EIF3B: variants seen among roughly 807,000 people sequenced by gnomAD.
The protein encoded by EIF3B is eukaryotic translation initiation factor 3 subunit B.
A neutral mutation model predicts 104.6 loss-of-function variants in EIF3B; 10 were observed. The observed-to-expected ratio is 0.10, with a 90% CI of 0.06 to 0.16. EIF3B has a LOEUF of 0.16. Ranked by LOEUF, EIF3B falls within the 10% of genes least tolerant of loss-of-function variation. The probability of loss-of-function intolerance (pLI) is 1.00; values close to 1 mark genes in which losing one functional copy is unlikely to be tolerated. For missense variants in EIF3B, 1,014 were observed against 1,087.9 expected (o/e 0.93, Z 0.96); for synonymous variants, 542 against 417.2 (o/e 1.30, Z -3.65).
chr7:2,373,971 G>T (rs1780499892), intron 12 of EIF3B: 1 of 152,320 alleles, frequency 6.6e-6, no homozygotes, highest in African/African-American at 2.4e-5. Flanking sequence ...GGGGAGAGAG[G>T]CCACAGGTTG....
At chr7:2,368,533 G>A (rs148573215) in intron 9 of EIF3B, among the ~76,000 whole-genome samples, 1 of 152,324 alleles carries the variant, frequency 6.6e-6, no homozygotes, top group Non-Finnish European at 1.5e-5. Flanking sequence ...CGCCACCCTT[G>A]AGGCACCACT....
intron 1 of EIF3B, among the ~76,000 whole-genome samples, chr7:2,356,551 C>CG (rs1390077788): frequency 6.8e-6 from 1 of 147,530 alleles, no homozygotes; most frequent in Admixed American, 7.0e-5. Context: ...TGCAGTGAGC[C>CG]GAGATCCTGC....
chr7:2,360,736 C>T lies in EIF3B; in HGVS notation c.526C>T (p.Arg176Trp), dbSNP rs748047621. ...EELLGDVLKDRPQEADGIDSV... is the reference protein window; with the variant it reads ...EELLGDVLKDWPQEADGIDSV... ...ATTACTGGGAGATGTACTCAAAGAT[C>T]GGCCCCAGGAAGCAGATGGAATCGA... The change falls in exon 2 of 19, where the codon CGG becomes TGG. Residue 176 changes from arginine (R) to tryptophan (W), a missense_variant. Around this residue, in one of 4 missense-constraint regions of EIF3B, gnomAD observed 488 missense variants for 404.3 expected, o/e 1.21. Transcript: ENST00000360876. 20 of 1,591,056 alleles carry T rather than the reference C, an allele frequency of 1.3e-5. No homozygotes were observed. Among genetic ancestry groups the T allele is most frequent in the Middle Eastern group, 1.7e-4 (1 of 6,004 alleles).
intron 6 of EIF3B, 113 bp downstream of exon 6, chr7:2,364,642 T>C (rs1348561896): frequency 2.0e-6 from 2 of 978,450 alleles, no homozygotes; most frequent in East Asian, 2.5e-5. Context: ...TACGGGAGTA[T>C]GCAGAACGCT....
chr7:2,374,373 G>A, intron 12 of EIF3B, 155 bp from the exon 13 acceptor site: 1 of 626,192 alleles, frequency 1.6e-6, no homozygotes, highest in Non-Finnish European at 2.8e-6. Flanking sequence ...GGGGGTACTT[G>A]GCGATGGACT....
chr7:2,376,056 C>G (rs1054056), intron 14 of EIF3B: 2,208 of 156,228 alleles, frequency 0.014, 50 homozygotes, highest in African/African-American at 0.051. Context: ...TAATGAGATA[C>G]AGAATTTGTA....
chr7:2,380,099 G>C (rs1562495862), intron 18 of EIF3B, 105 bp from the exon 19 acceptor site: 1 of 313,368 alleles, frequency 3.2e-6, no homozygotes, highest in Non-Finnish European at 6.3e-6. Flanking sequence ...TGTGGCCGGG[G>C]TGGCTCCTCT....
At chr7:2,377,228 A>G (rs900294711) in intron 15 of EIF3B, among the ~76,000 whole-genome samples, 153 bp downstream of exon 15, 1 of 152,228 alleles carries the variant, frequency 6.6e-6, no homozygotes, top group Non-Finnish European at 1.5e-5. Flanking sequence ...GAACAGTGAG[A>G]ACTGAATGGA....
chr7:2,375,263 G>A (rs536584528), intron 13 of EIF3B, 126 bp from the exon 14 acceptor site: 5 of 1,223,638 alleles, frequency 4.1e-6, no homozygotes, highest in Middle Eastern at 2.3e-4. Flanking sequence ...GGCTGTTGCT[G>A]TGCTTGTTTC....
intron 1 of EIF3B, among the ~76,000 whole-genome samples, chr7:2,357,580 G>A (rs961561065): frequency 6.6e-5 from 10 of 152,334 alleles, no homozygotes; most frequent in Middle Eastern, 3.4e-3. Flanking sequence ...TCAGTTTAAT[G>A]TTTCAGCTGA....
chr7:2,363,534 A>G, intron 4 of EIF3B, 98 bp from the exon 5 acceptor site: 1 of 1,089,176 alleles, frequency 9.2e-7, no homozygotes, highest in Non-Finnish European at 1.3e-6. Flanking sequence ...GGGAGTTAAG[A>G]TGTGGACTGA....
chr7:2,376,850 A>G, intron 14 of EIF3B, 100 bp from the exon 15 acceptor site: 4 of 1,507,534 alleles, frequency 2.7e-6, no homozygotes, highest in Non-Finnish European at 2.7e-6. Context: ...TTTGCTTCAC[A>G]CGTGTCCCCG....
intron 13 of EIF3B, 118 bp from the exon 14 acceptor site, chr7:2,375,271 T>C: frequency 2.2e-6 from 3 of 1,336,284 alleles, no homozygotes; most frequent in Non-Finnish European, 3.2e-6. Flanking sequence ...CTGTGCTTGT[T>C]TCCATGTTAA....
chr7:2,364,332 CA>C (rs758073580), intron 5 of EIF3B, 39 bp from the exon 6 acceptor site: 1 of 1,530,706 alleles, frequency 6.5e-7, no homozygotes, highest in African/African-American at 1.4e-5. Context: ...TTGTGTTTGC[CA>C]TTTTGTTGTA....
At chr7:2,377,162 G>C (rs899078100) in intron 15 of EIF3B, 87 bp downstream of exon 15, 1 of 1,483,928 alleles carries the variant, frequency 6.7e-7, no homozygotes, top group African/African-American at 1.4e-5. Context: ...TATTGTTAGG[G>C]TGGTGACTGG....
At chr7:2,377,222 A>T in intron 15 of EIF3B, 147 bp downstream of exon 15, 1 of 1,134,846 alleles carries the variant, frequency 8.8e-7, no homozygotes, top group Non-Finnish European at 1.2e-6. Context: ...ACGCAGGAAC[A>T]GTGAGAACTG....
At chr7:2,363,195 G>A in intron 4 of EIF3B, 68 bp downstream of exon 4, 2 of 1,442,254 alleles carry the variant, frequency 1.4e-6, no homozygotes, top group Admixed American at 1.7e-5. Flanking sequence ...GGTCACACCT[G>A]CAATCCCAGC....
chr7:2,354,427 T>C (rs1277161967), upstream of EIF3B: 1 of 152,224 alleles, frequency 6.6e-6, no homozygotes, highest in African/African-American at 2.4e-5. Context: ...AGCAATCGCC[T>C]GTTGAGTCTC....
At chr7:2,375,622 G>A (rs1245382156) in intron 14 of EIF3B, 95 bp downstream of exon 14, 3 of 1,557,574 alleles carry the variant, frequency 1.9e-6, no homozygotes, top group Non-Finnish European at 2.6e-6. Context: ...CTCAGGGAAG[G>A]GGCACCAAGC....
Sources: gnomAD v4.1 joint callset for allele counts (sites outside exome capture counted in the v4.1 genomes callset) on GRCh38, gnomAD v4.1.1 for gene constraint, gnomAD v4.1.1 regional missense constraint, MANE v1.5 for transcripts, NCBI Gene and HGNC (gene_info 2026-07-23, HGNC 2026-07-21) for gene names.